PRPF38B: variants seen among roughly 807,000 people sequenced by gnomAD.
PRPF38B encodes the protein pre-mRNA-splicing factor 38B.
A neutral mutation model predicts 67.2 loss-of-function variants in PRPF38B; 18 were observed. That is an observed-to-expected ratio of 0.27 (90% CI 0.19 to 0.40). The LOEUF (loss-of-function observed/expected upper bound fraction) is 0.40, where lower values mean the gene tolerates loss of function less well. Ranked by LOEUF, PRPF38B falls within the 10% of genes least tolerant of loss-of-function variation. PRPF38B has a pLI of 1.00. For missense variants in PRPF38B, 544 were observed against 684.9 expected (o/e 0.79, Z 2.30); for synonymous variants, 246 against 234.2 (o/e 1.05, Z -0.46).
At chr1:108,698,879 T>C (rs753687498) in intron 5 of PRPF38B, 52 bp downstream of exon 5, 1 of 1,483,786 alleles carries the variant, frequency 6.7e-7, no homozygotes, top group Non-Finnish European at 9.2e-7. Flanking sequence ...TTATACAAAA[T>C]TAATGGTTCT....
At chr1:108,696,935 G>T (rs1296389421) in intron 4 of PRPF38B, 6 of 553,024 alleles carry the variant, frequency 1.1e-5, no homozygotes. Flanking sequence ...ATTGTAATTC[G>T]AGTCTCCCTA....
chr1:108,699,832 T>C lies in PRPF38B; in HGVS notation c.1453T>C (p.Ser485Pro). The change falls in exon 6 of 6, where the codon TCA (serine) becomes CCA (proline). Residue 485 changes from serine to proline, a missense_variant. Ser to Pro is a moderately conservative substitution (Grantham distance 74). This residue lies in a region of PRPF38B where 387 missense variants were observed against 386.1 expected (regional missense o/e 1.00). Coordinates refer to ENST00000370025, the MANE Select transcript of PRPF38B (RefSeq NM_018061.4). ...AGGAAGAACTGACAGTGTTGAAAAA[T>C]CAAAAAAACGGGAACATAGTCCCAG... ...SQGRTDSVEK[S>P]KKREHSPSKE... 1 of 1,610,064 alleles carries C rather than the reference T, an allele frequency of 6.2e-7. No individual in the cohort carries two copies. Among genetic ancestry groups the C allele is most frequent in the Non-Finnish European group, 8.5e-7 (1 of 1,179,008 alleles).
At position 108,699,793 on chromosome 1, in the gene PRPF38B, C is replaced by G; in HGVS notation, c.1414C>G (p.Arg472Gly). The G allele has an allele frequency of 6.2e-7, 1 of 1,612,812 alleles. No individual in the cohort carries two copies. The highest frequency in any genetic ancestry group is 8.5e-7 in the Non-Finnish European group (1 of 1,179,740). ...TAAAGAAAAATCAAATAAACGAAGT[C>G]GAAGTGGCAGTCAAGGAAGAACTGA... ...ESKEKSNKRSRSGSQGRTDSV... is the reference protein window; with the variant it reads ...ESKEKSNKRSGSGSQGRTDSV... The change falls in exon 6 of 6, where the codon CGA (arginine) becomes GGA (glycine). Residue 472 changes from arginine to glycine, a missense_variant. Transcript: ENST00000370025.
intron 1 of PRPF38B, chr1:108,693,649 A>G: frequency 1.0e-6 from 1 of 971,842 alleles, no homozygotes; most frequent in Non-Finnish European, 1.2e-6. Flanking sequence ...AGAGGTATGC[A>G]CTATTAATCA....
At chr1:108,696,693 C>T (rs1659890861) in intron 4 of PRPF38B, 1 of 714,986 alleles carries the variant, frequency 1.4e-6, no homozygotes, top group Non-Finnish European at 2.6e-6. Context: ...AAAAGATATG[C>T]ACATAGAATA....
rs1244421218 is a variant in PRPF38B, at chr1:108,700,141, C to T, written c.*121C>T. On this transcript the variant is annotated 3_prime_UTR_variant, in exon 6 of 6. Coordinates refer to ENST00000370025, the MANE Select transcript of PRPF38B (RefSeq NM_018061.4). ...AAGCTCTCCCTGTAGGCTGCATTTTCATTTCCTCTTTCGTGTAGGGAAGTG... is the reference window on the plus strand; with the variant it reads ...AAGCTCTCCCTGTAGGCTGCATTTTTATTTCCTCTTTCGTGTAGGGAAGTG... 2.1e-5 allele frequency: 30 copies of T among 1,416,258 alleles called. No homozygotes were observed. In the Admixed American group the frequency reaches 6.5e-4, roughly 31 times the overall value. The allele number at this position is 1,416,258 out of a possible 1,614,324, so 87.7% of individuals were successfully genotyped here. A position where few individuals can be genotyped will look rare whatever the true frequency, so the allele number is the denominator to read the frequency against.
chr1:108,698,123 A>G (rs1473875586), intron 4 of PRPF38B: 1 of 152,358 alleles, frequency 6.6e-6, no homozygotes, highest in African/African-American at 2.4e-5. Context: ...TCACTGCTTC[A>G]TGGCAGTTGG....
rs576622023 is a variant in PRPF38B at position 108,700,923 on chromosome 1, G to A, written c.*903G>A. The A allele has an allele frequency of 1.3e-5, 2 of 152,290 alleles. No individual in the cohort carries two copies. The highest frequency in any genetic ancestry group is 4.8e-5 in the African/African-American group (2 of 41,428). 9.4% of individuals were successfully genotyped at this position (152,290 alleles called of 1,614,324 possible). On this transcript the variant is annotated 3_prime_UTR_variant, in exon 6 of 6. Coordinates refer to ENST00000370025, the MANE Select transcript of PRPF38B (RefSeq NM_018061.4). ...CAGATTCAAGCCTCAAGCTTCCAAA[G>A]CATTTTTATAAATGGAAAATCCTTA...
At chr1:108,698,392 G>A (rs373157420) in intron 4 of PRPF38B, 2 of 467,554 alleles carry the variant, frequency 4.3e-6, no homozygotes, top group Non-Finnish European at 7.6e-6. Context: ...TTCCCTTTAT[G>A]CCTGTGAGGC....
chr1:108,694,485 A>C (rs1659659600), intron 1 of PRPF38B, among the ~76,000 whole-genome samples: 1 of 152,248 alleles, frequency 6.6e-6, no homozygotes, highest in Non-Finnish European at 1.5e-5. Context: ...TTTCAGATCA[A>C]ATACTCACTG....
At chr1:108,696,995 T>C (rs1410602159) in intron 4 of PRPF38B, 7 of 505,956 alleles carry the variant, frequency 1.4e-5, no homozygotes, top group African/African-American at 1.4e-4. Context: ...ATGCATTGGC[T>C]GGGCGTGGTG....
chr1:108,695,646 C>A, intron 1 of PRPF38B, 56 bp from the exon 2 acceptor site: 1 of 1,566,252 alleles, frequency 6.4e-7, no homozygotes, highest in Non-Finnish European at 8.7e-7. Context: ...TTTTATCAGG[C>A]TTTTAAACAA....
Position 108,700,193 on chromosome 1 carries a change from G to C in PRPF38B, c.*173G>C. 8.7e-7 allele frequency: 1 copy of C among 1,145,390 alleles called. No individual in the cohort carries two copies. The highest frequency in any genetic ancestry group is 1.6e-5 in the African/African-American group (1 of 63,776). The allele number at this position is 1,145,390 out of a possible 1,614,324, so 71.0% of individuals were successfully genotyped here. ...CTTTGTAATTCCATTTATTGCATTG[G>C]TGTTTTCACCCAATTGTTAAGTTTG... On this transcript the variant is annotated 3_prime_UTR_variant, in exon 6 of 6. Transcript: ENST00000370025.
At position 108,692,547 on chromosome 1, in the gene PRPF38B, C is replaced by T. The variant is rs1213177214; in HGVS notation, c.-45C>T. 16 of 1,246,438 alleles carry T rather than the reference C, an allele frequency of 1.3e-5. No individual in the cohort carries two copies. The highest frequency in any genetic ancestry group is 1.4e-5 in the South Asian group (1 of 71,550). The allele number at this position is 1,246,438 out of a possible 1,614,324, so 77.2% of individuals were successfully genotyped here. ...TCCCGAAGAGCGAGATCGAGCTTGG[C>T]CCCCTCCCCCCCCTCCTTCCCTCCC... On this transcript the variant is annotated 5_prime_UTR_variant, in exon 1 of 6. Coordinates refer to ENST00000370025, the MANE Select transcript of PRPF38B (RefSeq NM_018061.4).
chr1:108,698,956 C>G, intron 5 of PRPF38B, 129 bp downstream of exon 5: 2 of 1,307,748 alleles, frequency 1.5e-6, no homozygotes, highest in Non-Finnish European at 2.0e-6. Flanking sequence ...CTTTTACCCC[C>G]CAAAGATTAT....
chr1:108,699,420 G>A lies in PRPF38B; in HGVS notation c.1041G>A (p.Gly347=), dbSNP rs1660212793. The change falls in exon 6 of 6, where the codon GGG becomes GGA. Residue 347 remains glycine (G), a synonymous_variant. Coordinates refer to ENST00000370025, the MANE Select transcript of PRPF38B (RefSeq NM_018061.4). ...RSRSRSRDRK[G]DRRDRDRERE... ...GCAGTCGAAGTCGTGATAGGAAAGG[G>A]GATAGAAGGGACAGGGATCGAGAAA... is the stretch of plus-strand genomic sequence containing the variant. The A allele has an allele frequency of 6.2e-7, 1 of 1,614,038 alleles. No individual in the cohort carries two copies. The highest frequency in any genetic ancestry group is 8.5e-7 in the Non-Finnish European group (1 of 1,180,000).
chr1:108,698,576 G>A (rs773313215), intron 4 of PRPF38B, 28 bp from the exon 5 acceptor site: 18 of 1,477,440 alleles, frequency 1.2e-5, no homozygotes, highest in African/African-American at 2.8e-5. Flanking sequence ...TTTTTTTGAC[G>A]GCTAGGGTAT....
In PRPF38B at chr1:108,700,015, G is replaced by A; in HGVS notation, c.1636G>A (p.Val546Met). ...ACAGCATAAAAACAAAGATGAGACT[G>A]TGTGAAAATATTTTGTAAAAGTGGA... is the stretch of plus-strand genomic sequence containing the variant. Reference protein sequence around the residue: ...EKQHKNKDETV With the variant: ...EKQHKNKDETM Residue 546 changes from valine to methionine, a missense_variant, in exon 6 of 6, where the codon GTG becomes ATG. This residue lies in a region of PRPF38B where 387 missense variants were observed against 386.1 expected (regional missense o/e 1.00). Transcript: ENST00000370025. The A allele has an allele frequency of 6.3e-7, 1 of 1,575,684 alleles. No homozygotes were observed. Among genetic ancestry groups the A allele is most frequent in the Non-Finnish European group, 8.6e-7 (1 of 1,166,826 alleles).
In PRPF38B at chr1:108,699,674, A is replaced by G. The variant is rs1402757643; in HGVS notation, c.1295A>G (p.Glu432Gly). 2 of 1,590,146 alleles carry G rather than the reference A, an allele frequency of 1.3e-6. No homozygotes were observed. The highest frequency in any genetic ancestry group is 1.8e-5 in the Admixed American group (1 of 55,160). The change falls in exon 6 of 6, where the codon GAA becomes GGA. Residue 432 changes from glutamate to glycine, a missense_variant. By Grantham distance (98) the Glu-to-Gly change is moderately conservative. This residue lies in a region of PRPF38B where 387 missense variants were observed against 386.1 expected (regional missense o/e 1.00). Transcript: ENST00000370025. ...AAACACAGTAGAAGCAGAAGCAGAG[A>G]AAGGAAACACAGAAGTAGGAGTCGA... ...EKKHSRSRSRERKHRSRSRSR... is the reference protein window; with the variant it reads ...EKKHSRSRSRGRKHRSRSRSR...
Sources: allele counts gnomAD v4.1 joint callset (sites outside exome capture counted in the v4.1 genomes callset), GRCh38; gene constraint gnomAD v4.1.1; regional missense constraint gnomAD v4.1.1; transcripts MANE v1.5; gene names NCBI Gene and HGNC (gene_info 2026-07-23, HGNC 2026-07-21).